SPRED2: variants seen among roughly 807,000 people sequenced by gnomAD.
SPRED2 encodes the protein sprouty related EVH1 domain containing 2.
SPRED2 carries 47 observed loss-of-function variants against 43.0 expected under a neutral mutation model. That is an observed-to-expected ratio of 1.09 (90% CI 0.87 to 1.40). The LOEUF (loss-of-function observed/expected upper bound fraction) is 1.40, where lower values mean the gene tolerates loss of function less well. SPRED2 is among the 40% of genes most tolerant of loss of function. The pLI is 0.00. For synonymous variants in SPRED2, 225 were observed against 225.7 expected, an observed-to-expected ratio of 1.00 and a Z score of 0.03; for missense variants, 561 against 586.4, an observed-to-expected ratio of 0.96 and a Z score of 0.45.
intron 1 of SPRED2, among the ~76,000 whole-genome samples, chr2:65,386,953 G>A (rs1572886709): frequency 6.7e-6 from 1 of 148,970 alleles, no homozygotes; most frequent in Admixed American, 6.7e-5. Context: ...TCACACGGAT[G>A]AACAGTTTTC....
chr2:65,313,202 C>T lies in SPRED2; in HGVS notation c.*299G>A, dbSNP rs1173535091. 5.4e-5 allele frequency: 60 copies of T among 1,111,452 alleles called. No individual in the cohort carries two copies. The highest frequency in any genetic ancestry group is 3.9e-4 in the South Asian group (9 of 23,270). The allele number at this position is 1,111,452 out of a possible 1,614,324, so 68.8% of individuals were successfully genotyped here. On this transcript the variant is annotated 3_prime_UTR_variant, in exon 6 of 6. Coordinates refer to ENST00000356388, the MANE Select transcript of SPRED2 (RefSeq NM_181784.3). ...ACAGGAAATCAACACATGGATGAGACAGTTAGCTTGGTTACAGATTGTTAA... is the reference window on the plus strand; with the variant it reads ...ACAGGAAATCAACACATGGATGAGATAGTTAGCTTGGTTACAGATTGTTAA...
At position 65,402,373 on chromosome 2, in the gene SPRED2, A is replaced by G. The variant is rs1675925822; in HGVS notation, c.26+29589T>C. 1.3e-5 allele frequency among the ~76,000 whole-genome samples: 2 copies of G among 151,762 alleles called. 1 individual carries two copies. The highest frequency in any genetic ancestry group is 4.2e-4 in the South Asian group (2 of 4,792). On this transcript the variant is annotated intron_variant, in intron 1 of 5. Transcript: ENST00000356388. ...GAAGGGTGGTGCCATCTGTCAAGTC[A>G]GGAAAGGCCGGGTAAGCGGGCTGCC...
intron 1 of SPRED2, among the ~76,000 whole-genome samples, chr2:65,423,078 T>C (rs910946503): frequency 6.6e-6 from 1 of 152,256 alleles, no homozygotes; most frequent in Non-Finnish European, 1.5e-5. Context: ...AGTCTAGCAC[T>C]ATGTCTGTAT....
intron 1 of SPRED2, chr2:65,366,600 A>G: frequency 6.4e-7 from 1 of 1,553,848 alleles, no homozygotes; most frequent in Non-Finnish European, 8.7e-7. Flanking sequence ...CTGCCAGGCG[A>G]TGCCATTTCC....
At chr2:65,422,077 A>AACACACACACACACACAC (rs367817858) in intron 1 of SPRED2, among the ~76,000 whole-genome samples, 57 of 127,720 alleles carry the variant, frequency 4.5e-4, no homozygotes, top group African/African-American at 1.6e-3. Flanking sequence ...TTGTATGTAC[A>AACACACACACACACACAC]ACACACACAC....
intron 1 of SPRED2, among the ~76,000 whole-genome samples, chr2:65,387,575 T>C (rs1170306997): frequency 6.6e-6 from 1 of 152,164 alleles, no homozygotes; most frequent in Non-Finnish European, 1.5e-5. Flanking sequence ...AGGGCCTACA[T>C]TGGAAAGGTT....
At chr2:65,325,929 G>C (rs1233585678) in intron 4 of SPRED2, among the ~76,000 whole-genome samples, 1 of 151,836 alleles carries the variant, frequency 6.6e-6, no homozygotes, top group African/African-American at 2.4e-5. Context: ...GTTACATTGA[G>C]CTGATATTGT....
rs527922840 is a variant in SPRED2, at chr2:65,335,558, T to C, written c.205-785A>G. Reference sequence around the variant, plus strand: ...AACACTGAATAAATGAGAAACCTAATTCACATTCATTGTCCAGTATATCTT... The same window carrying C: ...AACACTGAATAAATGAGAAACCTAACTCACATTCATTGTCCAGTATATCTT... On this transcript the variant is annotated intron_variant, in intron 2 of 5. Coordinates refer to ENST00000356388, the MANE Select transcript of SPRED2 (RefSeq NM_181784.3). 7.0e-4 allele frequency among the ~76,000 whole-genome samples: 106 copies of C among 152,358 alleles called. No individual in the cohort carries two copies. In the South Asian group the frequency reaches 0.021, roughly 30 times the overall value.
At chr2:65,392,423 A>G (rs1004306602) in intron 1 of SPRED2, among the ~76,000 whole-genome samples, 1 of 151,784 alleles carries the variant, frequency 6.6e-6, no homozygotes, top group South Asian at 2.1e-4. Context: ...TGATCCTCCT[A>G]CCTCAGCCTC....
intron 3 of SPRED2, among the ~76,000 whole-genome samples, chr2:65,333,278 AAAAG>A (rs1673869616): frequency 6.6e-6 from 1 of 152,036 alleles, no homozygotes; most frequent in Admixed American, 6.6e-5. Context: ...AAAAAAAAGA[AAAAG>A]AAAATATTTT....
chr2:65,316,488 G>GA (rs1673237411), intron 5 of SPRED2, among the ~76,000 whole-genome samples: 1 of 152,202 alleles, frequency 6.6e-6, no homozygotes, highest in South Asian at 2.1e-4. Flanking sequence ...TTGCCTTGTG[G>GA]GGCAGTTTCT....
chr2:65,424,967 C>A (rs138136021), intron 1 of SPRED2, among the ~76,000 whole-genome samples: 50 of 152,252 alleles, frequency 3.3e-4, no homozygotes, highest in African/African-American at 1.2e-3. Context: ...ACAGATGGGC[C>A]AAGCTTCTCT....
At chr2:65,370,617 T>C (rs1394770843) in intron 1 of SPRED2, among the ~76,000 whole-genome samples, 2 of 152,240 alleles carry the variant, frequency 1.3e-5, no homozygotes, top group Admixed American at 1.3e-4. Flanking sequence ...TTCTCCTCAA[T>C]GTCCCAATTT....
intron 1 of SPRED2, chr2:65,366,447 C>A: frequency 1.2e-6 from 1 of 811,582 alleles, no homozygotes; most frequent in Non-Finnish European, 1.9e-6. Flanking sequence ...TGGGCACACA[C>A]AAATACAAAC....
intron 1 of SPRED2, among the ~76,000 whole-genome samples, chr2:65,379,205 C>A (rs1675313710): frequency 6.6e-6 from 1 of 152,118 alleles, no homozygotes; most frequent in Non-Finnish European, 1.5e-5. Context: ...GTGGATACAC[C>A]AAGTGTTCCA....
At chr2:65,331,298 C>G (rs1007553795) in intron 4 of SPRED2, among the ~76,000 whole-genome samples, 1 of 152,144 alleles carries the variant, frequency 6.6e-6, no homozygotes, top group Non-Finnish European at 1.5e-5. Context: ...TGCTGTCCCG[C>G]GTAACTTGCT....
intron 1 of SPRED2, among the ~76,000 whole-genome samples, chr2:65,429,675 C>T (rs1308508629): frequency 6.6e-6 from 1 of 152,198 alleles, no homozygotes; most frequent in Non-Finnish European, 1.5e-5. Context: ...TTACAGCCCA[C>T]GAAGTCGCTT....
At chr2:65,362,480 C>G (rs1348319798) in intron 1 of SPRED2, among the ~76,000 whole-genome samples, 1 of 152,068 alleles carries the variant, frequency 6.6e-6, no homozygotes, top group Non-Finnish European at 1.5e-5. Context: ...CTGTGTTAGC[C>G]AGGATGGTCT....
intron 2 of SPRED2, among the ~76,000 whole-genome samples, chr2:65,339,720 T>TA (rs34726276): frequency 0.15 from 21,995 of 143,042 alleles, 1,903 homozygotes; most frequent in Non-Finnish European, 0.17. Context: ...AAAATAAAAT[T>TA]AAAAAAAAAT....
Sources: gnomAD v4.1 joint callset for allele counts (sites outside exome capture counted in the v4.1 genomes callset) on GRCh38, gnomAD v4.1.1 for gene constraint, MANE v1.5 for transcripts, NCBI Gene and HGNC (gene_info 2026-07-23, HGNC 2026-07-21) for gene names.